FCAMR: variants seen among roughly 807,000 people sequenced by gnomAD.
FCAMR encodes high affinity immunoglobulin alpha and immunoglobulin mu Fc receptor.
In FCAMR, 51 loss-of-function variants were observed where a neutral mutation model predicts 52.2. The observed-to-expected ratio is 0.98, with a 90% CI of 0.78 to 1.23. The LOEUF is 1.23. Among genes scored for constraint, FCAMR ranks in the 50% most tolerant of loss-of-function variants. The pLI is 0.00. For missense variants in FCAMR, 719 were observed against 712.6 expected (o/e 1.01, Z -0.10); for synonymous variants, 282 against 262.0 (o/e 1.08, Z -0.74).
Position 206,966,947 on chromosome 1 carries a change from A to G in FCAMR, c.169+105T>C, listed in dbSNP as rs572151110. ...CATTTGTCATCTGAGCATGGTTTAT[A>G]CCTGGACAGTTTTACCATACCAGCC... is the stretch of plus-strand genomic sequence containing the variant. On this transcript the variant is annotated intron_variant, in intron 3 of 7. Coordinates refer to ENST00000324852, the MANE Select transcript of FCAMR (RefSeq NM_001170631.2). 5 of 1,056,626 alleles carry G rather than the reference A, an allele frequency of 4.7e-6. No individual in the cohort carries two copies. In the East Asian group the frequency reaches 9.8e-5, roughly 21 times the overall value. 65.5% of individuals were successfully genotyped at this position (1,056,626 alleles called of 1,614,324 possible). A position where few individuals can be genotyped will look rare whatever the true frequency, so the allele number is the denominator to read the frequency against.
At chr1:206,958,791 C>A in intron 7 of FCAMR, 115 bp from the exon 8 acceptor site, 1 of 1,400,910 alleles carries the variant, frequency 7.1e-7, no homozygotes, top group Non-Finnish European at 1.0e-6. Flanking sequence ...GACACAGAAG[C>A]AATGGAGCCC....
At chr1:206,969,411 A>G (rs772252965) in intron 1 of FCAMR, 32 of 401,882 alleles carry the variant, frequency 8.0e-5, no homozygotes, top group Non-Finnish European at 1.3e-4. Flanking sequence ...TCTGCCAATG[A>G]CCTTCAGAAA....
chr1:206,961,839 C>T (rs1440680172), intron 5 of FCAMR, among the ~76,000 whole-genome samples: 2 of 152,252 alleles, frequency 1.3e-5, no homozygotes, highest in East Asian at 3.8e-4. Context: ...TTCTTCTGTC[C>T]TGCCTGTCAC....
chr1:206,970,112 G>C lies in FCAMR; in HGVS notation c.14C>G (p.Ala5Gly), dbSNP rs749400190. The C allele has an allele frequency of 5.0e-6, 8 of 1,614,062 alleles. No individual in the cohort carries two copies. In the African/African-American group the frequency reaches 6.7e-5, roughly 13 times the overall value. Residue 5 changes from alanine (A) to glycine (G), a missense_variant, in exon 1 of 8, where the codon GCC becomes GGC. By Grantham distance (60) the Ala-to-Gly change is moderately conservative. Transcript: ENST00000324852. ...CTTTTGTTCTCCAGGCTTCACTGTG[G>C]CCTCTCCATCCATCTCAGTCCAGAA... MDGE[A>G]TVKPGEQKEV...
intron 4 of FCAMR, among the ~76,000 whole-genome samples, chr1:206,963,769 T>C (rs1019687587): frequency 6.6e-6 from 1 of 152,186 alleles, no homozygotes; most frequent in African/African-American, 2.4e-5. Flanking sequence ...CTGCCCTTGG[T>C]GCTTTCTGGG....
chr1:206,966,865 C>A (rs772905147), intron 3 of FCAMR, among the ~76,000 whole-genome samples, 187 bp downstream of exon 3: 15 of 152,272 alleles, frequency 9.9e-5, no homozygotes, highest in Non-Finnish European at 2.1e-4. Flanking sequence ...TCACTATGTT[C>A]CTCAATGGTT....
At chr1:206,968,340 A>G (rs994134968) in intron 1 of FCAMR, among the ~76,000 whole-genome samples, 1 of 152,082 alleles carries the variant, frequency 6.6e-6, no homozygotes, top group Non-Finnish European at 1.5e-5. Flanking sequence ...TCTCAACAAC[A>G]ACAACAACAA....
In FCAMR at chr1:206,962,222, T is replaced by C; in HGVS notation, c.643A>G (p.Ile215Val). 6.2e-7 allele frequency: 1 copy of C among 1,613,908 alleles called. No individual in the cohort carries two copies. The highest frequency in any genetic ancestry group is 8.5e-7 in the Non-Finnish European group (1 of 1,179,832). The change falls in exon 5 of 8, where the codon ATC becomes GTC. Residue 215 changes from isoleucine (I) to valine (V), a missense_variant. By Grantham distance (29) the Ile-to-Val change is conservative. Coordinates refer to ENST00000324852, the MANE Select transcript of FCAMR (RefSeq NM_001170631.2). The stretch of plus-strand genomic sequence containing the variant: ...AGCCGTCAGCTCATACCTGCAGAGA[T>C]GGTCAGATTCATGCTTAAGAACAGC... ...NMLFLSMNLT[I>V]SAGPASTLPT...
chr1:206,967,510 G>A (rs763182988), intron 2 of FCAMR, 73 bp downstream of exon 2: 204 of 1,488,926 alleles, frequency 1.4e-4, no homozygotes, highest in Non-Finnish European at 1.7e-4. Flanking sequence ...ACCTTGGAAG[G>A]TTAGTCTCAG....
Position 206,960,559 on chromosome 1 carries a change from C to T in FCAMR, c.1317G>A (p.Met439Ile), listed in dbSNP as rs748208190. ...GTPAADVWTS[M>I]EAASGEGSAA... The stretch of plus-strand genomic sequence containing the variant: ...CGCTTCCTTCCCCAGATGCTGCCTC[C>T]ATGCTGGTCCACACATCTGCAGCTG... Residue 439 changes from methionine (M) to isoleucine (I), a missense_variant, in exon 6 of 8, where the codon ATG becomes ATA. Physicochemically the swap from Met to Ile is conservative, Grantham distance 10 (BLOSUM62 1). Transcript: ENST00000324852. 64 of 1,551,754 alleles carry T rather than the reference C, an allele frequency of 4.1e-5. No homozygotes were observed. In the Middle Eastern group the frequency reaches 5.0e-4, roughly 12 times the overall value.
At chr1:206,963,075 A>T (rs759710554) in intron 4 of FCAMR, among the ~76,000 whole-genome samples, 52 of 152,246 alleles carry the variant, frequency 3.4e-4, no homozygotes, top group Non-Finnish European at 5.3e-4. Flanking sequence ...TCTGGTTTGC[A>T]TGGAATGTAA....
chr1:206,969,384 G>T (rs896154913), intron 1 of FCAMR: 1 of 433,560 alleles, frequency 2.3e-6, no homozygotes, highest in Non-Finnish European at 4.7e-6. Flanking sequence ...TCAACGGAAT[G>T]TCTCCAAGTC....
chr1:206,967,761 C>A, intron 1 of FCAMR, 110 bp from the exon 2 acceptor site: 2 of 966,846 alleles, frequency 2.1e-6, no homozygotes, highest in African/African-American at 1.6e-5. Flanking sequence ...CCAAGTAGCT[C>A]TCTGCACTAG....
At position 206,959,606 on chromosome 1, in the gene FCAMR, C is replaced by A. The variant is rs925869247; in HGVS notation, c.1573+73G>T. The A allele has an allele frequency of 8.1e-6, 10 of 1,232,144 alleles. No homozygotes were observed. In the African/African-American group the frequency reaches 1.3e-4, roughly 16 times the overall value. 76.3% of individuals were successfully genotyped at this position (1,232,144 alleles called of 1,614,324 possible). A position where few individuals can be genotyped will look rare whatever the true frequency, so the allele number is the denominator to read the frequency against. On this transcript the variant is annotated intron_variant, in intron 7 of 7. Coordinates refer to ENST00000324852, the MANE Select transcript of FCAMR (RefSeq NM_001170631.2). Reference sequence around the variant, plus strand: ...ATTGAAAAGTCCTGGCAGGACTCTACCCCTACCCAGCCCTGAGGGTGTCAG... The same window carrying A: ...ATTGAAAAGTCCTGGCAGGACTCTAACCCTACCCAGCCCTGAGGGTGTCAG...
chr1:206,962,546 T>C lies in FCAMR; in HGVS notation c.319A>G (p.Asn107Asp). 2 of 1,550,224 alleles carry C rather than the reference T, an allele frequency of 1.3e-6. No homozygotes were observed. Among genetic ancestry groups the C allele is most frequent in the South Asian group, 2.4e-5 (2 of 81,808 alleles). ...ACCAGCCTTGAGCCCTTCAATGAAT[T>C]TGGAGCTGCAGACAGAGAAGGAAGT... ...WREESSFAAP[N>D]SLKGSRLVSG... Residue 107 changes from asparagine to aspartate, a missense_variant, in exon 5 of 8, where the codon AAT becomes GAT. Asn to Asp is a conservative substitution (Grantham distance 23). Transcript: ENST00000324852.
Position 206,958,466 on chromosome 1 carries a change from T to C in FCAMR, c.*50A>G, listed in dbSNP as rs1403407557. The stretch of plus-strand genomic sequence containing the variant: ...AAGAGGCTGGGGTCCTGAAGGCCTT[T>C]GATCTTGGTCCTTCTCCCATGGTAA... On this transcript the variant is annotated 3_prime_UTR_variant, in exon 8 of 8. Transcript: ENST00000324852. The C allele has an allele frequency of 6.5e-7, 1 of 1,542,558 alleles. No homozygotes were observed. The highest frequency in any genetic ancestry group is 8.8e-7 in the Non-Finnish European group (1 of 1,141,274).
chr1:206,963,377 G>A (rs1226840668), intron 4 of FCAMR, among the ~76,000 whole-genome samples: 3 of 152,160 alleles, frequency 2.0e-5, no homozygotes, highest in Non-Finnish European at 2.9e-5. Flanking sequence ...GTGATGGGGT[G>A]CAAGCAGAAA....
intron 3 of FCAMR, among the ~76,000 whole-genome samples, chr1:206,966,851 A>C (rs749917206): frequency 6.6e-6 from 1 of 152,210 alleles, no homozygotes; most frequent in Non-Finnish European, 1.5e-5. Context: ...CTCTTGGCGC[A>C]TACTCACTAT....
rs568955728 is a variant in FCAMR at position 206,966,027 on chromosome 1, G to T, written c.170-169C>A. On this transcript the variant is annotated intron_variant, in intron 3 of 7. Coordinates refer to ENST00000324852, the MANE Select transcript of FCAMR (RefSeq NM_001170631.2). ...CCTCCTGCAGCTTCTCCCTCCCACT[G>T]CTACCACCTTGCTGGGGTCTCAAGC... 5.5e-4 allele frequency: 455 copies of T among 833,938 alleles called. 1 individual carries two copies. The highest frequency in any genetic ancestry group is 7.1e-4 in the Non-Finnish European group (370 of 520,120). 51.7% of individuals were successfully genotyped at this position (833,938 alleles called of 1,614,324 possible).
Sources: gnomAD v4.1 joint callset for allele counts (sites outside exome capture counted in the v4.1 genomes callset) on GRCh38, gnomAD v4.1.1 for gene constraint, MANE v1.5 for transcripts, NCBI Gene and HGNC (gene_info 2026-07-23, HGNC 2026-07-21) for gene names.